TNRC6B: variants seen among roughly 807,000 people sequenced by gnomAD.
TNRC6B encodes the protein trinucleotide repeat containing adaptor 6B, also known as trinucleotide repeat-containing gene 6B protein.
TNRC6B carries 52 observed loss-of-function variants against 203.6 expected under a neutral mutation model. That is an observed-to-expected ratio of 0.26 (90% CI 0.20 to 0.32). The LOEUF (loss-of-function observed/expected upper bound fraction) is 0.32, where lower values mean the gene tolerates loss of function less well. TNRC6B is among the 10% of genes least tolerant of loss of function. TNRC6B has a pLI of 1.00. For synonymous variants in TNRC6B, 838 were observed against 845.7 expected (o/e 0.99, Z 0.16); for missense variants, 1,923 against 2,286.2 (o/e 0.84, Z 3.24).
chr22:40,183,456 G>A (rs768710966), intron 1 of TNRC6B, among the ~76,000 whole-genome samples: 15 of 152,076 alleles, frequency 9.9e-5, no homozygotes, highest in Non-Finnish European at 1.9e-4. Flanking sequence ...GTCTGATGTC[G>A]TCTCTTCATA....
intron 12 of TNRC6B, among the ~76,000 whole-genome samples, chr22:40,295,644 C>T (rs1441970758): frequency 6.6e-6 from 1 of 151,936 alleles, no homozygotes; most frequent in African/African-American, 2.4e-5. Flanking sequence ...TTCTGATTAA[C>T]TTAGTTTATA....
Position 40,253,505 on chromosome 22 carries a change from AT to A in TNRC6B, c.115+2316del, listed in dbSNP as rs879249190. On this transcript the variant is annotated intron_variant, in intron 3 of 22. Transcript: ENST00000454349. ...AACTTTCCTTTCTACTCACCACCAA[AT>A]TTTTTTTTTTCCAATTGGGGGCTTT... 3,167 of 325,982 alleles carry A rather than the reference AT, an allele frequency of 9.7e-3. 1 individual carries two copies. The highest frequency in any genetic ancestry group is 0.015 in the Admixed American group (464 of 31,724). 20.2% of individuals were successfully genotyped at this position (325,982 alleles called of 1,614,324 possible).
chr22:40,144,801 T>G (rs2068676657), intron 3 of TNRC6B, among the ~76,000 whole-genome samples: 1 of 150,622 alleles, frequency 6.6e-6, no homozygotes, highest in Non-Finnish European at 1.5e-5. Context: ...CCAGTGATAT[T>G]AAGCTTTCGA....
intron 22 of TNRC6B, 58 bp downstream of exon 22, chr22:40,321,287 T>C: frequency 1.3e-6 from 2 of 1,581,380 alleles, no homozygotes; most frequent in South Asian, 2.2e-5. Flanking sequence ...CACCCGTGAG[T>C]ATTCTGGCAG....
chr22:40,195,870 C>T (rs1343774505), intron 1 of TNRC6B, among the ~76,000 whole-genome samples: 2 of 152,178 alleles, frequency 1.3e-5, no homozygotes, highest in Non-Finnish European at 2.9e-5. Context: ...CCCAGGTTCA[C>T]ACCATTCTCC....
At chr22:40,314,643 A>G (rs2071231909) in intron 19 of TNRC6B, among the ~76,000 whole-genome samples, 1 of 152,182 alleles carries the variant, frequency 6.6e-6, no homozygotes, top group African/African-American at 2.4e-5. Flanking sequence ...CCCTCTGCAT[A>G]TTGAGCTTAC....
chr22:40,303,078 C>G (rs2071045934), intron 15 of TNRC6B, among the ~76,000 whole-genome samples: 1 of 121,648 alleles, frequency 8.2e-6, no homozygotes, highest in Non-Finnish European at 1.6e-5. Context: ...GAGGCGGAGT[C>G]TCACTCTGTC....
chr22:40,083,976 T>G (rs1323969257), intron 1 of TNRC6B, among the ~76,000 whole-genome samples: 1 of 152,112 alleles, frequency 6.6e-6, no homozygotes, highest in Admixed American at 6.6e-5. Flanking sequence ...CTAGTTAGAC[T>G]GCCAATTTAA....
chr22:40,216,972 G>A (rs548710668), intron 1 of TNRC6B, among the ~76,000 whole-genome samples: 5 of 152,056 alleles, frequency 3.3e-5, no homozygotes, highest in African/African-American at 4.8e-5. Flanking sequence ...AACCCACAGC[G>A]CACAGGTATT....
intron 1 of TNRC6B, among the ~76,000 whole-genome samples, chr22:40,186,320 T>C (rs1171306004): frequency 6.6e-6 from 1 of 152,090 alleles, no homozygotes; most frequent in Non-Finnish European, 1.5e-5. Context: ...ATGGCAACAT[T>C]CCCGAACCTG....
In TNRC6B at chr22:40,266,418, C is replaced by G. The variant is rs2070480837; in HGVS notation, c.2188C>G (p.Gln730Glu). The change falls in exon 5 of 23, where the codon CAG becomes GAG. Residue 730 changes from glutamine to glutamate, a missense_variant. By Grantham distance (29) the Gln-to-Glu change is conservative. Coordinates refer to ENST00000454349, the MANE Select transcript of TNRC6B (RefSeq NM_001162501.2). ...SSWNENPSKD[Q>E]GWGGGRQPNQ... ...TTGGAATGAGAATCCCAGCAAGGAT[C>G]AGGGGTGGGGAGGTGGACGCCAGCC... 1 of 1,613,836 alleles carries G rather than the reference C, an allele frequency of 6.2e-7. No individual in the cohort carries two copies. Among genetic ancestry groups the G allele is most frequent in the Non-Finnish European group, 8.5e-7 (1 of 1,179,850 alleles).
chr22:40,318,160 T>G (rs928588082), intron 21 of TNRC6B, among the ~76,000 whole-genome samples: 22 of 152,224 alleles, frequency 1.4e-4, no homozygotes, highest in African/African-American at 5.1e-4. Context: ...TATTTCAAGA[T>G]GCACATTGAG....
intron 3 of TNRC6B, chr22:40,253,466 A>C (rs2070224419): frequency 2.3e-6 from 1 of 438,896 alleles, no homozygotes. Context: ...TTCCTCTACC[A>C]GTCTTAAAAA....
At chr22:40,108,712 A>G (rs1330391129) in intron 1 of TNRC6B, among the ~76,000 whole-genome samples, 1 of 152,214 alleles carries the variant, frequency 6.6e-6, no homozygotes, top group Non-Finnish European at 1.5e-5. Flanking sequence ...AAAGATGTAA[A>G]ACAGTGCCAC....
At chr22:40,199,281 G>A (rs2069379523) in intron 1 of TNRC6B, among the ~76,000 whole-genome samples, 1 of 152,076 alleles carries the variant, frequency 6.6e-6, no homozygotes, top group South Asian at 2.1e-4. Context: ...AAATTTCAAA[G>A]TACTTCTTCA....
At chr22:40,158,778 T>C (rs918115761) in intron 4 of TNRC6B, among the ~76,000 whole-genome samples, 1 of 152,228 alleles carries the variant, frequency 6.6e-6, no homozygotes, top group African/African-American at 2.4e-5. Flanking sequence ...ACTGAAGTGA[T>C]AAAGCAGAAA....
intron 1 of TNRC6B, among the ~76,000 whole-genome samples, chr22:40,221,294 A>G (rs2069704773): frequency 6.6e-6 from 1 of 152,184 alleles, no homozygotes; most frequent in Non-Finnish European, 1.5e-5. Flanking sequence ...TCGACTGTCT[A>G]GCCTGAGTGT....
intron 1 of TNRC6B, among the ~76,000 whole-genome samples, chr22:40,060,667 A>G (rs1241808709): frequency 6.6e-6 from 1 of 152,248 alleles, no homozygotes; most frequent in Non-Finnish European, 1.5e-5. Flanking sequence ...GAAAAAATAC[A>G]GTGCAAAATT....
intron 19 of TNRC6B, 80 bp from the exon 20 acceptor site, chr22:40,315,203 T>G: frequency 9.2e-7 from 1 of 1,081,372 alleles, no homozygotes; most frequent in South Asian, 1.4e-5. Flanking sequence ...TTTATGTGTA[T>G]GTAGATAAAA....
Sources: allele counts gnomAD v4.1 joint callset (sites outside exome capture counted in the v4.1 genomes callset), GRCh38; gene constraint gnomAD v4.1.1; transcripts MANE v1.5; gene names NCBI Gene and HGNC (gene_info 2026-07-23, HGNC 2026-07-21).